The following PTBP2 variants were observed in gnomAD, a reference collection of about 807,000 sequenced individuals.
PTBP2 encodes polypyrimidine tract-binding protein 2.
A neutral mutation model predicts 61.4 loss-of-function variants in PTBP2; 13 were observed. That is an observed-to-expected ratio of 0.21 (90% confidence interval 0.14 to 0.34). PTBP2 has a LOEUF of 0.34. Ranked by LOEUF, PTBP2 falls within the 10% of genes least tolerant of loss-of-function variation. The pLI is 1.00. For synonymous variants in PTBP2, 215 were observed against 218.5 expected (o/e 0.98, Z 0.14); for missense variants, 405 against 642.6 (o/e 0.63, Z 4.00).
At chr1:96,755,234 C>T (rs1422940770) in intron 3 of PTBP2, among the ~76,000 whole-genome samples, 3 of 151,900 alleles carry the variant, frequency 2.0e-5, no homozygotes, top group South Asian at 2.1e-4. Flanking sequence ...TAAGTAAGCA[C>T]GTGAAAAAGC....
chr1:96,734,274 C>G (rs2100821214), intron 2 of PTBP2, among the ~76,000 whole-genome samples: 1 of 152,230 alleles, frequency 6.6e-6, no homozygotes, highest in South Asian at 2.1e-4. Context: ...AGATAAATTT[C>G]AGATATTCAT....
chr1:96,773,877 G>GGC (rs1657687197), intron 5 of PTBP2, among the ~76,000 whole-genome samples: 1 of 151,632 alleles, frequency 6.6e-6, no homozygotes, highest in Admixed American at 6.6e-5. Flanking sequence ...GCAGGAGAAT[G>GGC]GTGCAGACCC....
intron 13 of PTBP2, 82 bp from the exon 14 acceptor site, chr1:96,813,194 C>G: frequency 1.3e-6 from 2 of 1,542,246 alleles, no homozygotes; most frequent in Non-Finnish European, 8.8e-7. Flanking sequence ...ATTTTTGATT[C>G]CGGAATGGCC....
intron 2 of PTBP2, among the ~76,000 whole-genome samples, chr1:96,731,646 C>CTT (rs1353542147): frequency 6.6e-6 from 1 of 151,960 alleles, no homozygotes; most frequent in African/African-American, 2.4e-5. Flanking sequence ...GTTTTTATGG[C>CTT]TTTAGGATAC....
intron 2 of PTBP2, among the ~76,000 whole-genome samples, chr1:96,736,091 A>G (rs1422874808): frequency 6.6e-6 from 1 of 152,222 alleles, no homozygotes; most frequent in Non-Finnish European, 1.5e-5. Context: ...CCCACCTGTT[A>G]TTTTATAGCC....
chr1:96,732,038 A>G (rs773871422), intron 2 of PTBP2, among the ~76,000 whole-genome samples: 5 of 152,186 alleles, frequency 3.3e-5, no homozygotes, highest in Non-Finnish European at 7.4e-5. Flanking sequence ...TAAGTTAACT[A>G]TTAATATATC....
intron 11 of PTBP2, among the ~76,000 whole-genome samples, chr1:96,810,621 C>T (rs1037301685): frequency 6.6e-6 from 1 of 152,126 alleles, no homozygotes; most frequent in Non-Finnish European, 1.5e-5. Flanking sequence ...TTCTTTCCCT[C>T]CATTATCTCA....
chr1:96,813,564 T>A lies in PTBP2; in HGVS notation c.*159T>A. ...CTGTTATCATTCCTTGGTTATAAAATGAAATGGCATATGTAAAGGCAGAGT... is the reference window on the plus strand; with the variant it reads ...CTGTTATCATTCCTTGGTTATAAAAAGAAATGGCATATGTAAAGGCAGAGT... On this transcript the variant is annotated 3_prime_UTR_variant, in exon 14 of 14. Transcript: ENST00000674951. The A allele has an allele frequency of 1.6e-6, 1 of 619,402 alleles. No individual in the cohort carries two copies. 38.4% of individuals were successfully genotyped at this position (619,402 alleles called of 1,614,324 possible).
At chr1:96,724,061 CAGTT>C (rs1186898384) in intron 2 of PTBP2, among the ~76,000 whole-genome samples, 1 of 152,064 alleles carries the variant, frequency 6.6e-6, no homozygotes, top group Non-Finnish European at 1.5e-5. Context: ...GTTGTTGAGG[CAGTT>C]AGCTTCAAAT....
chr1:96,734,915 T>TC, intron 2 of PTBP2, among the ~76,000 whole-genome samples: 1 of 149,752 alleles, frequency 6.7e-6, no homozygotes, highest in Non-Finnish European at 1.5e-5. Flanking sequence ...TTTTTTTTTT[T>TC]TTTTTTTCCT....
At chr1:96,806,507 T>G in intron 10 of PTBP2, 55 bp downstream of exon 10, 1 of 1,529,810 alleles carries the variant, frequency 6.5e-7, no homozygotes, top group Non-Finnish European at 9.0e-7. Context: ...TGTTTCACCT[T>G]AATTCTTATT....
At chr1:96,823,521 A>G (rs375606991) in exon 14 of PTBP2, 7 of 152,334 alleles carry the variant, frequency 4.6e-5, no homozygotes, top group Admixed American at 1.3e-4. Context: ...TCCTCACAGT[A>G]TGATTAAATA....
downstream of PTBP2, chr1:96,817,139 T>C (rs1662517852): frequency 6.6e-6 from 1 of 152,084 alleles, no homozygotes; most frequent in Admixed American, 6.6e-5. Flanking sequence ...GCACTTAAGA[T>C]TTCATATGTA....
chr1:96,794,799 A>G (rs1660199761), intron 8 of PTBP2, among the ~76,000 whole-genome samples: 1 of 152,202 alleles, frequency 6.6e-6, no homozygotes, highest in African/African-American at 2.4e-5. Flanking sequence ...GGAGGGTTTT[A>G]TGGGCCAAAA....
At chr1:96,728,274 A>G (rs1183538419) in intron 2 of PTBP2, among the ~76,000 whole-genome samples, 1 of 152,214 alleles carries the variant, frequency 6.6e-6, no homozygotes, top group Non-Finnish European at 1.5e-5. Context: ...GGCATGAGCC[A>G]CTACACTTGG....
downstream of PTBP2, chr1:96,817,610 C>A (rs1662534689): frequency 6.6e-6 from 1 of 152,038 alleles, no homozygotes; most frequent in African/African-American, 2.4e-5. Flanking sequence ...ATATCACTAC[C>A]TAACATATTC....
chr1:96,740,968 TTG>T (rs540666016), intron 2 of PTBP2, among the ~76,000 whole-genome samples: 2 of 152,224 alleles, frequency 1.3e-5, no homozygotes, highest in African/African-American at 2.4e-5. Context: ...TTCTCATAGA[TTG>T]TGTCTTTTCA....
chr1:96,799,121 A>C (rs1200907138), intron 8 of PTBP2, among the ~76,000 whole-genome samples: 1 of 152,134 alleles, frequency 6.6e-6, no homozygotes, highest in Non-Finnish European at 1.5e-5. Flanking sequence ...CAGAACTAAC[A>C]TGAGAATTTT....
intron 2 of PTBP2, among the ~76,000 whole-genome samples, chr1:96,730,600 T>C (rs1375289693): frequency 6.6e-6 from 1 of 152,226 alleles, no homozygotes; most frequent in Non-Finnish European, 1.5e-5. Context: ...AGACTTGTTT[T>C]GTGGTCCAAA....
Sources: gnomAD v4.1 joint callset for allele counts (sites outside exome capture counted in the v4.1 genomes callset) on GRCh38, gnomAD v4.1.1 for gene constraint, MANE v1.5 for transcripts, NCBI Gene and HGNC (gene_info 2026-07-23, HGNC 2026-07-21) for gene names.